Variants in FRMD4A observed in about 807,000 individuals in gnomAD.
FRMD4A encodes FERM domain-containing protein 4A.
In FRMD4A, 29 loss-of-function variants were observed where a neutral mutation model predicts 129.1. The observed-to-expected ratio is 0.22, with a 90% CI of 0.17 to 0.31. The LOEUF is 0.31. Ranked by LOEUF, FRMD4A falls within the 10% of genes least tolerant of loss-of-function variation. The pLI, the probability that FRMD4A is intolerant of heterozygous loss-of-function variation, is 1.00. For synonymous variants in FRMD4A, 634 were observed against 571.6 expected (o/e 1.11, Z -1.56); for missense variants, 1,272 against 1,375.8 (o/e 0.92, Z 1.19).
chr10:13,999,512 C>T (rs1242974693), intron 2 of FRMD4A, among the ~76,000 whole-genome samples: 1 of 152,108 alleles, frequency 6.6e-6, no homozygotes, highest in Non-Finnish European at 1.5e-5. Flanking sequence ...CATTAATGTT[C>T]CAATAGAGTG....
chr10:13,943,211 A>C (rs746182926), intron 2 of FRMD4A, among the ~76,000 whole-genome samples: 1 of 152,214 alleles, frequency 6.6e-6, no homozygotes, highest in Non-Finnish European at 1.5e-5. Flanking sequence ...CTAGGTGGAC[A>C]TCTCCTATTC....
At chr10:13,818,706 C>G (rs1262353929) in intron 3 of FRMD4A, among the ~76,000 whole-genome samples, 5 of 152,188 alleles carry the variant, frequency 3.3e-5, no homozygotes, top group Non-Finnish European at 5.9e-5. Flanking sequence ...TGACTATACC[C>G]AGGTCACAAG....
intron 4 of FRMD4A, among the ~76,000 whole-genome samples, chr10:13,806,166 G>A (rs900700104): frequency 1.3e-5 from 2 of 151,478 alleles, no homozygotes; most frequent in African/African-American, 4.9e-5. Context: ...TTTTTGTTTT[G>A]TGGTAGAGAT....
intron 2 of FRMD4A, among the ~76,000 whole-genome samples, chr10:14,102,347 T>C (rs1194131468): frequency 6.6e-6 from 1 of 152,194 alleles, no homozygotes; most frequent in Non-Finnish European, 1.5e-5. Flanking sequence ...GCCACCATAG[T>C]GAAACCCCAT....
intron 2 of FRMD4A, among the ~76,000 whole-genome samples, chr10:13,925,152 T>C (rs1197504018): frequency 1.3e-5 from 2 of 151,246 alleles, no homozygotes; most frequent in African/African-American, 2.4e-5. Flanking sequence ...GGTGGCACAA[T>C]GGGCAAGATC....
chr10:14,273,365 A>T (rs1292357600), intron 2 of FRMD4A, among the ~76,000 whole-genome samples: 2 of 152,130 alleles, frequency 1.3e-5, no homozygotes, highest in Non-Finnish European at 2.9e-5. Flanking sequence ...AAAAGTAGGG[A>T]CGCCCCTTTA....
intron 2 of FRMD4A, among the ~76,000 whole-genome samples, chr10:14,105,003 G>T (rs1837512653): frequency 6.6e-6 from 1 of 152,216 alleles, no homozygotes; most frequent in Admixed American, 6.5e-5. Flanking sequence ...AGGACTTCTG[G>T]TCACGGGGTC....
chr10:13,949,612 A>G (rs2095358505), intron 2 of FRMD4A, among the ~76,000 whole-genome samples: 1 of 152,254 alleles, frequency 6.6e-6, no homozygotes, highest in South Asian at 2.1e-4. Flanking sequence ...AAGACTTTTC[A>G]AAAGCCTGAG....
At chr10:13,776,753 A>T (rs2092605425) in intron 6 of FRMD4A, among the ~76,000 whole-genome samples, 1 of 152,218 alleles carries the variant, frequency 6.6e-6, no homozygotes, top group African/African-American at 2.4e-5. Flanking sequence ...AGAGACAGGG[A>T]GGGAGCAGAT....
At chr10:13,653,245 A>G (rs7912538) in intron 23 of FRMD4A, 128,101 of 152,298 alleles carry the variant, frequency 0.84, 53,920 homozygotes, top group East Asian at 0.91. Context: ...AAAAATGCCG[A>G]CCAGGTGCCT....
rs1204181870 is a variant in FRMD4A, at chr10:13,657,787, G to GTTTTTTTTTTTTTT, written c.2067-266_2067-265insAAAAAAAAAAAAAA. ...ACTCACAGAAAGGTTTCGATTTCTG[G>GTTTTTTTTTTTTTT]GTTTTTTTTTTTTTTTAAATAATTC... On this transcript the variant is annotated intron_variant, in intron 21 of 24. Transcript: ENST00000357447. Among the ~76,000 whole-genome samples, 389 of 110,926 alleles carry GTTTTTTTTTTTTTT rather than the reference G, an allele frequency of 3.5e-3. 2 individuals are homozygous for GTTTTTTTTTTTTTT. The highest frequency in any genetic ancestry group is 0.013 in the African/African-American group (353 of 27,050). The allele number at this position is 110,926 out of a possible 152,430, so 72.8% of individuals were successfully genotyped here.
chr10:13,994,175 A>ATTTTTTTTTTTTTTTTTTTTTTTTTTT (rs549621959), intron 2 of FRMD4A, among the ~76,000 whole-genome samples: 1 of 101,974 alleles, frequency 9.8e-6, no homozygotes. Flanking sequence ...CGCCCAGCTA[A>ATTTTTTTTTTTTTTTTTTTTTTTTTTT]TTTTTTTTTT....
chr10:14,164,349 G>T (rs1045369552), intron 2 of FRMD4A, among the ~76,000 whole-genome samples: 4 of 152,182 alleles, frequency 2.6e-5, no homozygotes, highest in African/African-American at 9.7e-5. Context: ...TGAGCCCTGT[G>T]CCGGGTCCCT....
intron 2 of FRMD4A, among the ~76,000 whole-genome samples, chr10:13,980,281 A>C (rs901096973): frequency 6.6e-6 from 1 of 152,234 alleles, no homozygotes; most frequent in African/African-American, 2.4e-5. Flanking sequence ...GCCCAGTCCC[A>C]CAGTGTCACT....
At chr10:14,185,484 G>A (rs11258924) in intron 2 of FRMD4A, among the ~76,000 whole-genome samples, 4,272 of 152,260 alleles carry the variant, frequency 0.028, 175 homozygotes, top group African/African-American at 0.087. Context: ...ACAACATTTT[G>A]TAATTTTTCT....
chr10:13,801,393 G>C (rs1365520758), intron 4 of FRMD4A, among the ~76,000 whole-genome samples: 1 of 152,202 alleles, frequency 6.6e-6, no homozygotes, highest in East Asian at 1.9e-4. Flanking sequence ...TCCCCTGCTT[G>C]AACTCGTCCA....
At chr10:14,249,162 C>G (rs946097069) in intron 2 of FRMD4A, among the ~76,000 whole-genome samples, 2 of 151,928 alleles carry the variant, frequency 1.3e-5, no homozygotes, top group Non-Finnish European at 1.5e-5. Context: ...ACCAGCCTGG[C>G]CAGCATCGTG....
rs115923674 is a variant in FRMD4A, at chr10:14,230,958, G to A, written c.45+99100C>T. On this transcript the variant is annotated intron_variant, in intron 2 of 24. Coordinates refer to ENST00000357447, the MANE Select transcript of FRMD4A (RefSeq NM_018027.5). ...CTGCATCCATGTTGCTGCAAAGAAC[G>A]TGATTTTGTTCTTTTTTATGGCTAC... 9.8e-3 allele frequency among the ~76,000 whole-genome samples: 1,492 copies of A among 152,276 alleles called. 30 individuals are homozygous for A. The highest frequency in any genetic ancestry group is 0.035 in the African/African-American group (1,436 of 41,546).
intron 2 of FRMD4A, among the ~76,000 whole-genome samples, chr10:14,327,932 G>A (rs775666724): frequency 4.6e-5 from 7 of 152,100 alleles, no homozygotes; most frequent in South Asian, 2.1e-4. Flanking sequence ...AAGCAACTCC[G>A]CTAAATGGCC....
Sources: allele counts gnomAD v4.1 joint callset (sites outside exome capture counted in the v4.1 genomes callset), GRCh38; gene constraint gnomAD v4.1.1; transcripts MANE v1.5; gene names NCBI Gene and HGNC (gene_info 2026-07-23, HGNC 2026-07-21).